Variants in HS3ST5 observed in about 807,000 individuals in gnomAD.
The protein encoded by HS3ST5 is heparan sulfate glucosamine 3-O-sulfotransferase 5.
In HS3ST5, 10 loss-of-function variants were observed where a neutral mutation model predicts 25.4. The ratio of observed to expected loss-of-function variants is 0.39; its 90% CI spans 0.24 to 0.67. The LOEUF is 0.67. HS3ST5 is among the 30% of genes least tolerant of loss of function. HS3ST5 has a pLI of 0.44. For missense variants in HS3ST5, 324 were observed against 420.7 expected (o/e 0.77, Z 2.01); for synonymous variants, 170 against 162.4 (o/e 1.05, Z -0.36).
intron 1 of HS3ST5, among the ~76,000 whole-genome samples, chr6:114,258,647 T>C (rs535024826): frequency 1.6e-4 from 24 of 152,230 alleles, no homozygotes; most frequent in African/African-American, 5.5e-4. Context: ...TAATTGAAGC[T>C]CTTTTTGCCC....
chr6:114,209,870 G>A (rs1229498012), intron 2 of HS3ST5, among the ~76,000 whole-genome samples: 1 of 152,140 alleles, frequency 6.6e-6, no homozygotes, highest in African/African-American at 2.4e-5. Context: ...CTTCAAGTTT[G>A]TTCTCCTTTC....
At chr6:114,333,654 AT>A (rs952133886) in intron 1 of HS3ST5, among the ~76,000 whole-genome samples, 15 of 151,348 alleles carry the variant, frequency 9.9e-5, no homozygotes, top group Non-Finnish European at 1.2e-4. Context: ...TTTTTTTAAA[AT>A]TTTTTTTTGA....
Position 114,179,863 on chromosome 6 carries a change from C to T in HS3ST5, c.-144-11401G>A, listed in dbSNP as rs187932943. Among the ~76,000 whole-genome samples the T allele has an allele frequency of 1.8e-3, 267 of 152,166 alleles. 1 individual carries two copies. The highest frequency in any genetic ancestry group is 6.2e-3 in the African/African-American group (257 of 41,516). ...GCAGCCTTCAGTCTGTGGCTGAAGG[C>T]CGGAGAGCCCCTAGCATACCACTGG... On this transcript the variant is annotated intron_variant, in intron 2 of 4. Transcript: ENST00000312719.
At chr6:114,236,451 GT>G (rs1321931266) in intron 1 of HS3ST5, among the ~76,000 whole-genome samples, 2 of 152,126 alleles carry the variant, frequency 1.3e-5, no homozygotes, top group Admixed American at 1.3e-4. Flanking sequence ...TCATTTAAAT[GT>G]TTCTTCTTTA....
At chr6:114,252,922 C>T (rs1270569826) in intron 1 of HS3ST5, among the ~76,000 whole-genome samples, 1 of 152,068 alleles carries the variant, frequency 6.6e-6, no homozygotes, top group East Asian at 1.9e-4. Flanking sequence ...GGTAGCTGGG[C>T]ATGATGGCTC....
chr6:114,212,537 A>T (rs1036376653), intron 2 of HS3ST5, among the ~76,000 whole-genome samples: 1 of 152,172 alleles, frequency 6.6e-6, no homozygotes, highest in Non-Finnish European at 1.5e-5. Context: ...CATTAATTAG[A>T]CCATAAATGC....
chr6:114,155,167 C>G (rs957615369), intron 3 of HS3ST5, among the ~76,000 whole-genome samples: 1 of 152,156 alleles, frequency 6.6e-6, no homozygotes, highest in African/African-American at 2.4e-5. Flanking sequence ...GTGTTTAACT[C>G]TACTTCTTAC....
intron 2 of HS3ST5, among the ~76,000 whole-genome samples, chr6:114,189,563 T>C (rs1780396802): frequency 1.3e-5 from 2 of 152,194 alleles, no homozygotes; most frequent in Admixed American, 6.5e-5. Flanking sequence ...TTTTGCTATA[T>C]TTGCTGGAAA....
At chr6:114,261,898 G>A (rs1773189959) in intron 1 of HS3ST5, among the ~76,000 whole-genome samples, 1 of 152,174 alleles carries the variant, frequency 6.6e-6, no homozygotes, top group African/African-American at 2.4e-5. Flanking sequence ...GATGCTGAAT[G>A]AGGAAGACAG....
chr6:114,115,206 G>A (rs1776459882), intron 3 of HS3ST5, among the ~76,000 whole-genome samples: 5 of 151,826 alleles, frequency 3.3e-5, no homozygotes, highest in Admixed American at 3.3e-4. Flanking sequence ...GTGGTTGAAG[G>A]GTATGTTCAT....
intron 2 of HS3ST5, among the ~76,000 whole-genome samples, chr6:114,177,467 G>T (rs1391497677): frequency 2.6e-5 from 4 of 152,150 alleles, no homozygotes; most frequent in African/African-American, 9.7e-5. Flanking sequence ...GCAAAGCAAA[G>T]CATCTTCTGT....
chr6:114,219,374 A>G (rs1384371343), intron 2 of HS3ST5, among the ~76,000 whole-genome samples: 1 of 152,232 alleles, frequency 6.6e-6, no homozygotes, highest in Non-Finnish European at 1.5e-5. Flanking sequence ...CTTGTTGATC[A>G]GAGGACAATT....
At chr6:114,256,414 CTG>C (rs1772927839) in intron 1 of HS3ST5, among the ~76,000 whole-genome samples, 2 of 151,058 alleles carry the variant, frequency 1.3e-5, no homozygotes, top group South Asian at 4.2e-4. Flanking sequence ...AAAAAACAAA[CTG>C]AATGCTTTTA....
At chr6:114,307,193 A>G (rs1489104197) in intron 1 of HS3ST5, among the ~76,000 whole-genome samples, 2 of 152,188 alleles carry the variant, frequency 1.3e-5, no homozygotes, top group African/African-American at 4.8e-5. Flanking sequence ...TACAACTTTG[A>G]TTCTGAAACC....
At chr6:114,277,635 A>G (rs1036382110) in intron 1 of HS3ST5, among the ~76,000 whole-genome samples, 3 of 151,810 alleles carry the variant, frequency 2.0e-5, no homozygotes, top group Non-Finnish European at 4.4e-5. Context: ...TGCTTCTTGC[A>G]CAAAACATTT....
At chr6:114,200,664 A>T (rs912562413) in intron 2 of HS3ST5, among the ~76,000 whole-genome samples, 1 of 152,142 alleles carries the variant, frequency 6.6e-6, no homozygotes, top group African/African-American at 2.4e-5. Context: ...ACACCAATTA[A>T]AACTGTGCAC....
rs1772829847 is a variant in HS3ST5 at position 114,057,406 on chromosome 6, TAAACCGCAAGCAGTAA to T, written c.876_891del (p.Phe292LeufsTer47). On this transcript the variant is annotated frameshift_variant, in exon 5 of 5. Transcript: ENST00000312719. LOFTEE classifies it high-confidence loss of function. The stretch of plus-strand genomic sequence containing the variant: ...GCCAGGCACTTATTAAAGATAATAT[TAAACCGCAAGCAGTAA>T]AACCCTCTGGTAGCATTGAAGTATA... 1 of 1,614,040 alleles carries T rather than the reference TAAACCGCAAGCAGTAA, an allele frequency of 6.2e-7. No homozygotes were observed. Among genetic ancestry groups the T allele is most frequent in the African/African-American group, 1.3e-5 (1 of 74,922 alleles).
chr6:114,116,449 C>T (rs1776533413), intron 3 of HS3ST5, among the ~76,000 whole-genome samples: 3 of 152,076 alleles, frequency 2.0e-5, no homozygotes, highest in Admixed American at 1.3e-4. Context: ...TTTACCTGGT[C>T]TTTTCTTGCT....
chr6:114,207,001 G>A (rs992760998), intron 2 of HS3ST5, among the ~76,000 whole-genome samples: 1 of 152,134 alleles, frequency 6.6e-6, no homozygotes, highest in African/African-American at 2.4e-5. Flanking sequence ...ATGTATTAAG[G>A]CTAGAGGATA....
Sources: gnomAD v4.1 joint callset for allele counts (sites outside exome capture counted in the v4.1 genomes callset) on GRCh38, gnomAD v4.1.1 for gene constraint, MANE v1.5 for transcripts, NCBI Gene and HGNC (gene_info 2026-07-23, HGNC 2026-07-21) for gene names.